The following C2CD5 variants were observed in gnomAD, a reference collection of about 807,000 sequenced individuals.
C2CD5 encodes C2 calcium dependent domain containing 5, also known as C2 domain-containing protein 5.
A neutral mutation model predicts 130.3 loss-of-function variants in C2CD5; 109 were observed. The observed-to-expected ratio is 0.84, with a 90% confidence interval of 0.72 to 0.98. The LOEUF (loss-of-function observed/expected upper bound fraction) is 0.98. Ranked by LOEUF, C2CD5 falls within the 50% of genes least tolerant of loss-of-function variation. The pLI is 0.00. For missense variants in C2CD5, 996 were observed against 1,261.8 expected (o/e 0.79, Z 3.19); for synonymous variants, 454 against 429.2 (o/e 1.06, Z -0.71).
Position 22,473,348 on chromosome 12 carries a change from T to C in C2CD5, c.2044-541A>G, listed in dbSNP as rs149810061. On this transcript the variant is annotated intron_variant, in intron 16 of 26. Coordinates refer to ENST00000446597, the MANE Select transcript of C2CD5 (RefSeq NM_001286176.2). The stretch of plus-strand genomic sequence containing the variant: ...ATTCATCTGCACCTCAGTTTCTAAG[T>C]CCTAACCTGCAGACTCGCTAAGCTT... Among the ~76,000 whole-genome samples, 10 of 152,226 alleles carry C rather than the reference T, an allele frequency of 6.6e-5. No homozygotes were observed. The East Asian group carries it at 1.7e-3, about 26-fold the overall frequency.
At chr12:22,528,238 G>T (rs1950901992) in intron 3 of C2CD5, among the ~76,000 whole-genome samples, 1 of 152,160 alleles carries the variant, frequency 6.6e-6, no homozygotes, top group South Asian at 2.1e-4. Flanking sequence ...TAGAGTTCAT[G>T]TAGTATCTAT....
intron 5 of C2CD5, among the ~76,000 whole-genome samples, 189 bp from the exon 6 acceptor site, chr12:22,524,816 T>A (rs1950588348): frequency 6.6e-6 from 1 of 152,212 alleles, no homozygotes; most frequent in African/African-American, 2.4e-5. Flanking sequence ...ATAATTATTG[T>A]CTTTCATGGA....
chr12:22,455,376 T>C (rs1939613260), intron 25 of C2CD5, among the ~76,000 whole-genome samples: 1 of 152,184 alleles, frequency 6.6e-6, no homozygotes, highest in Non-Finnish European at 1.5e-5. Flanking sequence ...TACACAATTA[T>C]TATTATAAGT....
chr12:22,519,886 T>G (rs1431848268), intron 7 of C2CD5, among the ~76,000 whole-genome samples: 7 of 152,068 alleles, frequency 4.6e-5, no homozygotes, highest in Non-Finnish European at 7.4e-5. Context: ...AAGGGGACCT[T>G]GCTTTTAAAG....
chr12:22,451,335 C>G (rs1216428400), intron 26 of C2CD5, among the ~76,000 whole-genome samples: 1 of 152,026 alleles, frequency 6.6e-6, no homozygotes, highest in Non-Finnish European at 1.5e-5. Flanking sequence ...AGAAAACAGG[C>G]CCACTGAGGC....
intron 12 of C2CD5, 26 bp downstream of exon 12, chr12:22,490,097 A>G: frequency 6.4e-7 from 1 of 1,571,718 alleles, no homozygotes; most frequent in Non-Finnish European, 8.8e-7. Flanking sequence ...GCCCTTATAG[A>G]AAATAAGCCA....
At chr12:22,453,822 G>T in intron 26 of C2CD5, 74 bp downstream of exon 26, 1 of 1,345,482 alleles carries the variant, frequency 7.4e-7, no homozygotes, top group Non-Finnish European at 1.0e-6. Flanking sequence ...CTCTTTTGGA[G>T]GGGGTTAGGG....
At chr12:22,512,297 T>C (rs1250050409) in intron 9 of C2CD5, among the ~76,000 whole-genome samples, 4 of 152,208 alleles carry the variant, frequency 2.6e-5, no homozygotes, top group African/African-American at 7.2e-5. Context: ...AAATGTATCC[T>C]TTTTACAGGT....
chr12:22,493,212 T>A lies in C2CD5; in HGVS notation c.1262+11A>T. On this transcript the variant is annotated intron_variant, in intron 11 of 26. Transcript: ENST00000446597. ...TAGTGTCTGGAAAATCAAGTTGTTATTATCATTTACCAGATGCTAGTTGAT... is the reference window on the plus strand; with the variant it reads ...TAGTGTCTGGAAAATCAAGTTGTTAATATCATTTACCAGATGCTAGTTGAT... The A allele has an allele frequency of 7.0e-7, 1 of 1,426,060 alleles. No individual in the cohort carries two copies. The highest frequency in any genetic ancestry group is 9.8e-7 in the Non-Finnish European group (1 of 1,024,246). 88.3% of individuals were successfully genotyped at this position (1,426,060 alleles called of 1,614,324 possible).
At chr12:22,524,212 T>C (rs1950533249) in intron 6 of C2CD5, among the ~76,000 whole-genome samples, 2 of 152,110 alleles carry the variant, frequency 1.3e-5, no homozygotes, top group Admixed American at 1.3e-4. Flanking sequence ...GGTTCCTTCC[T>C]GAACGCCCCT....
intron 9 of C2CD5, among the ~76,000 whole-genome samples, chr12:22,507,755 C>G (rs1188837326): frequency 1.3e-5 from 2 of 152,112 alleles, no homozygotes; most frequent in East Asian, 3.8e-4. Context: ...TACCAGTAGC[C>G]TCAGCTATTT....
At chr12:22,450,912 TG>T (rs1938454974) in intron 26 of C2CD5, among the ~76,000 whole-genome samples, 1 of 151,986 alleles carries the variant, frequency 6.6e-6, no homozygotes, top group South Asian at 2.1e-4. Flanking sequence ...TGTCCTGAAA[TG>T]AAAATGTTGC....
At chr12:22,539,251 T>G (rs559921323) in intron 2 of C2CD5, among the ~76,000 whole-genome samples, 1 of 152,338 alleles carries the variant, frequency 6.6e-6, no homozygotes, top group East Asian at 1.9e-4. Context: ...GTCTTCTTAC[T>G]TGACCTCAGT....
In C2CD5 at chr12:22,470,802, T is replaced by C. The variant is rs751073273; in HGVS notation, c.2446+22A>G. Reference sequence around the variant, plus strand: ...TAACACAGACAAACACAAACTGAACTTCCTATTCAGTAAAGATTTACCTCT... The same window carrying C: ...TAACACAGACAAACACAAACTGAACCTCCTATTCAGTAAAGATTTACCTCT... On this transcript the variant is annotated intron_variant, in intron 21 of 26. Transcript: ENST00000446597. 4.2e-6 allele frequency: 6 copies of C among 1,441,500 alleles called. No individual in the cohort carries two copies. The South Asian group carries it at 5.8e-5, about 14-fold the overall frequency. The allele number at this position is 1,441,500 out of a possible 1,614,324, so 89.3% of individuals were successfully genotyped here. A position where few individuals can be genotyped will look rare whatever the true frequency, so the allele number is the denominator to read the frequency against.
intron 10 of C2CD5, among the ~76,000 whole-genome samples, chr12:22,503,332 T>A (rs1353234157): frequency 2.0e-5 from 3 of 152,170 alleles, no homozygotes; most frequent in Non-Finnish European, 4.4e-5. Context: ...AATTAAAACA[T>A]CATCATTACG....
chr12:22,534,003 G>A (rs1951574196), intron 3 of C2CD5, among the ~76,000 whole-genome samples: 1 of 152,186 alleles, frequency 6.6e-6, no homozygotes, highest in Admixed American at 6.5e-5. Context: ...CGGGCCAACA[G>A]GGCAAAACCC....
intron 25 of C2CD5, among the ~76,000 whole-genome samples, chr12:22,456,251 A>G (rs1939825322): frequency 6.6e-6 from 1 of 152,202 alleles, no homozygotes; most frequent in Non-Finnish European, 1.5e-5. Context: ...TAAAATTTGA[A>G]AAGGTTATTG....
At chr12:22,485,239 A>G (rs1283420602) in intron 12 of C2CD5, among the ~76,000 whole-genome samples, 1 of 152,130 alleles carries the variant, frequency 6.6e-6, no homozygotes, top group Non-Finnish European at 1.5e-5. Context: ...ACATTTTCCC[A>G]CTGGTTGACA....
intron 10 of C2CD5, among the ~76,000 whole-genome samples, chr12:22,501,121 T>C (rs535332364): frequency 1.3e-3 from 203 of 152,324 alleles, no homozygotes; most frequent in African/African-American, 4.8e-3. Flanking sequence ...TCTGAAGATA[T>C]ACTAAGTCTT....
Sources: gnomAD v4.1 joint callset for allele counts (sites outside exome capture counted in the v4.1 genomes callset) on GRCh38, gnomAD v4.1.1 for gene constraint, MANE v1.5 for transcripts, NCBI Gene and HGNC (gene_info 2026-07-23, HGNC 2026-07-21) for gene names.